Variants in GGTA1 observed in about 807,000 individuals in gnomAD.
The protein encoded by GGTA1 is glycoprotein alpha-galactosyltransferase 1 (inactive), also known as inactive N-acetyllactosaminide alpha-1,3-galactosyltransferase.
GGTA1 carries 5 observed loss-of-function variants against 2.6 expected under a neutral mutation model. The observed-to-expected ratio is 1.92, with a 90% CI of 1.00 to 4.04. The LOEUF (loss-of-function observed/expected upper bound fraction) is 4.04, where lower values mean the gene tolerates loss of function less well. Ranked by LOEUF, GGTA1 falls within the 30% of genes most tolerant of loss-of-function variation. The pLI is 0.00. For missense variants in GGTA1, 50 were observed against 16.7 expected (o/e 2.99, Z -3.47); for synonymous variants, 17 against 5.0 (o/e 3.38, Z -3.19).
exon 8 of GGTA1, chr9:121,446,616 G>A (rs1234660541): frequency 6.6e-6 from 1 of 152,216 alleles, no homozygotes; most frequent in Non-Finnish European, 1.5e-5. Flanking sequence ...TCTGGCATGT[G>A]TAGAGTGTTT....
intron 1 of GGTA1, among the ~76,000 whole-genome samples, chr9:121,495,674 T>C (rs1043964219): frequency 6.6e-6 from 1 of 152,212 alleles, no homozygotes; most frequent in Non-Finnish European, 1.5e-5. Flanking sequence ...ATCTCCTAAT[T>C]ACCCAATGCA....
At chr9:121,491,333 C>T (rs78979000) in intron 1 of GGTA1, among the ~76,000 whole-genome samples, 13 of 152,316 alleles carry the variant, frequency 8.5e-5, no homozygotes, top group African/African-American at 2.9e-4. Context: ...TTGCCAGCCC[C>T]AACATCACCC....
intron 4 of GGTA1, among the ~76,000 whole-genome samples, chr9:121,461,027 T>C (rs535969468): frequency 6.6e-6 from 1 of 151,986 alleles, no homozygotes; most frequent in Non-Finnish European, 1.5e-5. Flanking sequence ...CAGTGAGCTA[T>C]GTTTGCACCA....
intron 1 of GGTA1, among the ~76,000 whole-genome samples, chr9:121,489,028 G>C (rs964299447): frequency 6.6e-6 from 1 of 152,202 alleles, no homozygotes; most frequent in African/African-American, 2.4e-5. Flanking sequence ...CCAGCAGTGT[G>C]ATGGAGTTGG....
exon 8 of GGTA1, chr9:121,445,885 C>T (rs2064850007): frequency 6.6e-6 from 1 of 152,158 alleles, no homozygotes; most frequent in African/African-American, 2.4e-5. Context: ...TAAGTGGTGA[C>T]CGAGTGTCTT....
chr9:121,469,171 A>G (rs1051287520), intron 1 of GGTA1, among the ~76,000 whole-genome samples: 1 of 152,164 alleles, frequency 6.6e-6, no homozygotes, highest in African/African-American at 2.4e-5. Flanking sequence ...GAAGTACTTT[A>G]ATGTGGGTGA....
At chr9:121,458,564 C>G (rs1339305801) in intron 5 of GGTA1, among the ~76,000 whole-genome samples, 1 of 151,458 alleles carries the variant, frequency 6.6e-6, no homozygotes, top group East Asian at 2.0e-4. Flanking sequence ...GAGGTGGAGG[C>G]TACAGTGAGC....
chr9:121,491,964 A>G (rs1422233041), intron 1 of GGTA1, among the ~76,000 whole-genome samples: 10 of 152,160 alleles, frequency 6.6e-5, no homozygotes, highest in Non-Finnish European at 1.2e-4. Flanking sequence ...AATTGTGTCT[A>G]TCTTGTTCAT....
intron 1 of GGTA1, among the ~76,000 whole-genome samples, chr9:121,485,632 A>G (rs1828741943): frequency 6.6e-6 from 1 of 152,314 alleles, no homozygotes; most frequent in African/African-American, 2.4e-5. Flanking sequence ...GCTCTGGAGA[A>G]AAATGGGAGA....
chr9:121,486,233 G>GA (rs1301228879), intron 1 of GGTA1, among the ~76,000 whole-genome samples: 1 of 152,200 alleles, frequency 6.6e-6, no homozygotes, highest in East Asian at 1.9e-4. Context: ...CAGTGTTTTT[G>GA]AACTTTACAG....
intron 1 of GGTA1, among the ~76,000 whole-genome samples, chr9:121,483,924 A>G (rs1489351727): frequency 6.6e-6 from 1 of 152,190 alleles, no homozygotes; most frequent in East Asian, 1.9e-4. Context: ...ATGTTTAGAG[A>G]GGTAGAAAAA....
chr9:121,473,361 G>A (rs1346855647), intron 1 of GGTA1, among the ~76,000 whole-genome samples: 4 of 149,418 alleles, frequency 2.7e-5, no homozygotes, highest in East Asian at 2.0e-4. Flanking sequence ...GAAGCCGTCC[G>A]AACGAGCCAA....
chr9:121,480,784 C>T (rs913846469), intron 1 of GGTA1, among the ~76,000 whole-genome samples: 2 of 152,188 alleles, frequency 1.3e-5, no homozygotes, highest in South Asian at 4.1e-4. Context: ...TGCCCACCTG[C>T]CTATCCTATT....
rs114559415 is a variant in GGTA1 at position 121,497,937 on chromosome 9, T to C, written c.-10+1713A>G. Among the ~76,000 whole-genome samples the C allele has an allele frequency of 6.5e-3, 992 of 152,306 alleles. 9 individuals are homozygous for C. Among genetic ancestry groups the C allele is most frequent in the South Asian group, 0.037 (181 of 4,828 alleles). The stretch of plus-strand genomic sequence containing the variant: ...ACCATGGCCAGACAAAGGCAGCTCC[T>C]AGCCTATGATTTAGGGGACAGGTCT... On this transcript the variant is annotated intron_variant, in intron 1 of 5. Coordinates refer to ENST00000481799, the MANE Select transcript of GGTA1 (RefSeq NM_001382585.1).
chr9:121,498,672 G>T (rs2118793762), intron 1 of GGTA1, among the ~76,000 whole-genome samples: 1 of 152,258 alleles, frequency 6.6e-6, no homozygotes, highest in African/African-American at 2.4e-5. Context: ...AAAGGAAGGA[G>T]GCAGCCCGGC....
In GGTA1 at chr9:121,499,735, G is replaced by A. The variant is rs1198305381; in HGVS notation, c.-95C>T. The A allele has an allele frequency of 6.6e-6, 1 of 151,958 alleles. No individual in the cohort carries two copies. Among genetic ancestry groups the A allele is most frequent in the African/African-American group, 2.4e-5 (1 of 41,392 alleles). The allele number at this position is 151,958 out of a possible 1,614,324, so 9.4% of individuals were successfully genotyped here. On this transcript the variant is annotated 5_prime_UTR_variant, in exon 1 of 6. Transcript: ENST00000481799. ...GCGCCCAGCTCCCGGCCCCGGCGAA[G>A]CCCTACGCGCTCTGATCAGCCACCG...
downstream of GGTA1, among the ~76,000 whole-genome samples, chr9:121,450,997 T>A (rs2064875471): frequency 6.6e-6 from 1 of 151,838 alleles, no homozygotes. Flanking sequence ...AGCCTTCAAG[T>A]CTCTTTATAC....
intron 1 of GGTA1, among the ~76,000 whole-genome samples, chr9:121,473,995 A>G (rs1416176674): frequency 6.8e-6 from 1 of 147,600 alleles, no homozygotes; most frequent in Non-Finnish European, 1.5e-5. Flanking sequence ...GAGAGAAAAG[A>G]AAGAAAGAAA....
intron 2 of GGTA1, among the ~76,000 whole-genome samples, chr9:121,464,324 G>GTTTTTTTTTTT (rs10681377): frequency 8.9e-6 from 1 of 111,894 alleles, no homozygotes. Flanking sequence ...CCTCCTTGAG[G>GTTTTTTTTTTT]TTTTTTTTTT....
Sources: allele counts gnomAD v4.1 joint callset (sites outside exome capture counted in the v4.1 genomes callset), GRCh38; gene constraint gnomAD v4.1.1; transcripts MANE v1.5; gene names NCBI Gene and HGNC (gene_info 2026-07-23, HGNC 2026-07-21).